GABRB1: variants seen among roughly 807,000 people sequenced by gnomAD.
GABRB1 encodes the protein gamma-aminobutyric acid receptor subunit beta-1.
Under a neutral mutation model 51.6 loss-of-function variants are expected in GABRB1, and 17 were observed. The observed-to-expected ratio is 0.33, with a 90% CI of 0.23 to 0.49. The LOEUF (loss-of-function observed/expected upper bound fraction) is 0.49. Ranked by LOEUF, GABRB1 falls within the 20% of genes least tolerant of loss-of-function variation. The probability of loss-of-function intolerance (pLI) is 0.99; values close to 1 mark genes in which losing one functional copy is unlikely to be tolerated. For missense variants in GABRB1, 410 were observed against 600.6 expected (o/e 0.68, Z 3.32); for synonymous variants, 247 against 218.9 (o/e 1.13, Z -1.14).
At chr4:47,392,778 A>G (rs944275461) in intron 5 of GABRB1, among the ~76,000 whole-genome samples, 5 of 152,262 alleles carry the variant, frequency 3.3e-5, no homozygotes, top group African/African-American at 1.2e-4. Flanking sequence ...AGAAATATCA[A>G]GTGAATGACT....
At position 47,298,877 on chromosome 4, in the gene GABRB1, G is replaced by T. The variant is rs531047430; in HGVS notation, c.462-21250G>T. On this transcript the variant is annotated intron_variant, in intron 4 of 8. Coordinates refer to ENST00000295454, the MANE Select transcript of GABRB1 (RefSeq NM_000812.4). ...CAGTAACCAAAACAGCATGGTACTG[G>T]TACCAAAACAGAGATATAGACCAAT... is the stretch of plus-strand genomic sequence containing the variant. 2.5e-3 allele frequency among the ~76,000 whole-genome samples: 380 copies of T among 151,920 alleles called. 4 individuals carry two copies. Among genetic ancestry groups the T allele is most frequent in the Non-Finnish European group, 2.8e-3 (191 of 67,956 alleles).
chr4:47,091,618 G>A (rs566683121), intron 3 of GABRB1, among the ~76,000 whole-genome samples: 35 of 152,128 alleles, frequency 2.3e-4, no homozygotes, highest in Admixed American at 7.9e-4. Flanking sequence ...GCTTAGAAGC[G>A]CTCTCCTCTC....
intron 3 of GABRB1, among the ~76,000 whole-genome samples, chr4:47,039,899 C>T (rs1725756697): frequency 6.6e-6 from 1 of 152,168 alleles, no homozygotes; most frequent in Non-Finnish European, 1.5e-5. Flanking sequence ...TGAATGCTCT[C>T]ATTGTGTAAA....
At chr4:47,216,978 T>C (rs779862596) in intron 4 of GABRB1, among the ~76,000 whole-genome samples, 1 of 151,782 alleles carries the variant, frequency 6.6e-6, no homozygotes, top group Non-Finnish European at 1.5e-5. Flanking sequence ...AATGGAAAAA[T>C]AAGATGTGAT....
At chr4:47,296,520 A>G (rs968976020) in intron 4 of GABRB1, among the ~76,000 whole-genome samples, 18 of 152,316 alleles carry the variant, frequency 1.2e-4, no homozygotes, top group African/African-American at 3.1e-4. Context: ...GAAGGCCATT[A>G]CATAATGGTA....
intron 5 of GABRB1, among the ~76,000 whole-genome samples, chr4:47,343,461 T>C (rs1725977226): frequency 6.6e-6 from 1 of 152,220 alleles, no homozygotes; most frequent in African/African-American, 2.4e-5. Flanking sequence ...ATGACTGCAC[T>C]GGTTTGATAG....
intron 4 of GABRB1, among the ~76,000 whole-genome samples, chr4:47,300,188 T>G (rs1724202985): frequency 6.6e-6 from 1 of 151,984 alleles, no homozygotes; most frequent in Non-Finnish European, 1.5e-5. Context: ...CATGTATACA[T>G]ATGTAACTAA....
At chr4:47,195,207 A>C (rs1172621620) in intron 4 of GABRB1, among the ~76,000 whole-genome samples, 1 of 152,160 alleles carries the variant, frequency 6.6e-6, no homozygotes, top group Non-Finnish European at 1.5e-5. Flanking sequence ...TCTACTAAAA[A>C]TACGAAAAAA....
upstream of GABRB1, among the ~76,000 whole-genome samples, chr4:47,027,982 TC>T (rs1245930127): frequency 6.6e-6 from 1 of 151,710 alleles, no homozygotes; most frequent in African/African-American, 2.4e-5. Context: ...ATTTATACTG[TC>T]CCCAAAGTAT....
Position 47,248,458 on chromosome 4 carries a change from A to G in GABRB1, c.462-71669A>G, listed in dbSNP as rs573675163. 1.5e-3 allele frequency among the ~76,000 whole-genome samples: 229 copies of G among 151,892 alleles called. 1 individual carries two copies. Among genetic ancestry groups the G allele is most frequent in the Admixed American group, 2.8e-3 (42 of 15,248 alleles). On this transcript the variant is annotated intron_variant, in intron 4 of 8. Coordinates refer to ENST00000295454, the MANE Select transcript of GABRB1 (RefSeq NM_000812.4). ...AAGGATTTTAGCATCTATGTTCATC[A>G]AGGATATTATTTTTGGTTATGTCCT...
chr4:47,299,403 A>G (rs1724151902), intron 4 of GABRB1, among the ~76,000 whole-genome samples: 1 of 152,200 alleles, frequency 6.6e-6, no homozygotes, highest in Admixed American at 6.5e-5. Flanking sequence ...GAAAAAAACA[A>G]ATAACCCCAT....
intron 4 of GABRB1, among the ~76,000 whole-genome samples, chr4:47,218,766 G>A (rs562140826): frequency 6.6e-6 from 1 of 151,844 alleles, no homozygotes; most frequent in South Asian, 2.1e-4. Context: ...ATTGTGTTAA[G>A]TGTGCTTTTT....
intron 4 of GABRB1, among the ~76,000 whole-genome samples, chr4:47,162,141 T>C (rs1375251313): frequency 1.3e-5 from 2 of 152,080 alleles, no homozygotes; most frequent in African/African-American, 4.8e-5. Context: ...GTTAAAAGTC[T>C]TTGGGAGAAA....
At chr4:47,149,147 A>G (rs986851879) in intron 3 of GABRB1, among the ~76,000 whole-genome samples, 1 of 152,032 alleles carries the variant, frequency 6.6e-6, no homozygotes, top group Non-Finnish European at 1.5e-5. Context: ...ATTGTTATAA[A>G]CAATATAACA....
chr4:47,291,607 G>A (rs1375884566), intron 4 of GABRB1, among the ~76,000 whole-genome samples: 18 of 152,206 alleles, frequency 1.2e-4, no homozygotes, highest in Admixed American at 1.2e-3. Context: ...GCTATACCCA[G>A]CAAAGCCACA....
At chr4:47,296,133 A>G (rs1317340006) in intron 4 of GABRB1, among the ~76,000 whole-genome samples, 1 of 152,216 alleles carries the variant, frequency 6.6e-6, no homozygotes, top group Non-Finnish European at 1.5e-5. Context: ...AGGAAAAACC[A>G]GTACCGGCCA....
chr4:47,260,676 G>C (rs1722394204), intron 4 of GABRB1, among the ~76,000 whole-genome samples: 1 of 152,062 alleles, frequency 6.6e-6, no homozygotes, highest in African/African-American at 2.4e-5. Flanking sequence ...CTGGCTTGTA[G>C]AGTTTCTGCC....
intron 3 of GABRB1, among the ~76,000 whole-genome samples, chr4:47,046,565 G>A (rs950406746): frequency 6.6e-6 from 1 of 152,062 alleles, no homozygotes; most frequent in Non-Finnish European, 1.5e-5. Flanking sequence ...AAAAGGTCCT[G>A]AATATGAGAT....
chr4:47,129,437 A>G lies in GABRB1; in HGVS notation c.241-31812A>G, dbSNP rs368404071. Among the ~76,000 whole-genome samples, 5 of 152,220 alleles carry G rather than the reference A, an allele frequency of 3.3e-5. No individual in the cohort carries two copies. In the East Asian group the frequency reaches 9.6e-4, roughly 29 times the overall value. On this transcript the variant is annotated intron_variant, in intron 3 of 8. Transcript: ENST00000295454. ...AAACGTGAATTTAGTCTTGTCAAAT[A>G]CATTATATTTTAATGTATTCATCAT... is the stretch of plus-strand genomic sequence containing the variant.
Sources: allele counts gnomAD v4.1 joint callset (sites outside exome capture counted in the v4.1 genomes callset), GRCh38; gene constraint gnomAD v4.1.1; transcripts MANE v1.5; gene names NCBI Gene and HGNC (gene_info 2026-07-23, HGNC 2026-07-21).